BIRC2: variants seen among roughly 807,000 people sequenced by gnomAD.
BIRC2 encodes baculoviral IAP repeat containing 2.
BIRC2 carries 18 observed loss-of-function variants against 60.9 expected under a neutral mutation model. The ratio of observed to expected loss-of-function variants is 0.30; its 90% confidence interval spans 0.20 to 0.44. The LOEUF is 0.44. Among genes scored for constraint, BIRC2 ranks in the 20% least tolerant of loss-of-function variants. The pLI, the probability that BIRC2 is intolerant of heterozygous loss-of-function variation, is 1.00. For synonymous variants in BIRC2, 282 were observed against 247.7 expected (o/e 1.14, Z -1.30); for missense variants, 701 against 728.5 (o/e 0.96, Z 0.43).
intron 6 of BIRC2, among the ~76,000 whole-genome samples, chr11:102,372,710 C>A (rs1474313835): frequency 7.4e-5 from 10 of 134,716 alleles, no homozygotes; most frequent in African/African-American, 2.6e-4. Context: ...GAGTTCAATT[C>A]CTGGGTATCC....
intron 3 of BIRC2, among the ~76,000 whole-genome samples, chr11:102,359,856 T>C (rs942644824): frequency 3.3e-5 from 5 of 152,202 alleles, no homozygotes; most frequent in Non-Finnish European, 5.9e-5. Flanking sequence ...ATGAACTTCC[T>C]GTACCTGGAT....
intron 4 of BIRC2, among the ~76,000 whole-genome samples, chr11:102,363,460 G>A (rs768450762): frequency 3.9e-5 from 6 of 152,138 alleles, no homozygotes; most frequent in Non-Finnish European, 8.8e-5. Flanking sequence ...CCTGAAACTA[G>A]AGAAATACTT....
intron 3 of BIRC2, 188 bp from the exon 4 acceptor site, chr11:102,362,706 AAC>A (rs1951498867): frequency 4.1e-6 from 2 of 489,198 alleles, no homozygotes; most frequent in South Asian, 6.6e-5. Context: ...CGTGATATAT[AAC>A]ACACAGAAGG....
intron 6 of BIRC2, among the ~76,000 whole-genome samples, 171 bp from the exon 7 acceptor site, chr11:102,377,325 C>T (rs2135827374): frequency 6.6e-6 from 1 of 152,228 alleles, no homozygotes; most frequent in Middle Eastern, 3.4e-3. Context: ...ACAGAGACTT[C>T]CTCTGGAAGT....
Position 102,363,711 on chromosome 11 carries a change from C to T in BIRC2, c.1118C>T (p.Pro373Leu), listed in dbSNP as rs1416131758. Residue 373 changes from proline to leucine, a missense_variant, in exon 5 of 9, where the codon CCA becomes CTA. Pro to Leu is a moderately conservative substitution (Grantham distance 98). This residue lies in a region of BIRC2 where 235 missense variants were observed against 208.9 expected (regional missense o/e 1.12). Coordinates refer to ENST00000227758, the MANE Select transcript of BIRC2 (RefSeq NM_001166.5). ...ACCACTGGAGAAGAAAATGCTGACC[C>T]ACCAAGTATGTATGAGATAATTTTA... is the stretch of plus-strand genomic sequence containing the variant. ...SDTTGEENAD[P>L]PIIHFGPGES... is the part of the protein sequence containing the mutation. 19 of 1,609,904 alleles carry T rather than the reference C, an allele frequency of 1.2e-5. No homozygotes were observed. The highest frequency in any genetic ancestry group is 1.4e-5 in the Non-Finnish European group (17 of 1,176,950).
chr11:102,372,556 T>C (rs1951646648), intron 6 of BIRC2, among the ~76,000 whole-genome samples: 1 of 151,174 alleles, frequency 6.6e-6, no homozygotes, highest in Non-Finnish European at 1.5e-5. Flanking sequence ...TTCTGTTCTT[T>C]TACATTTGCT....
rs1012618948 is a variant in BIRC2 at position 102,372,344 on chromosome 11, G to A, written c.1366+3796G>A. 1.8e-4 allele frequency among the ~76,000 whole-genome samples: 27 copies of A among 152,208 alleles called. No homozygotes were observed. The South Asian group carries it at 2.3e-3, about 13-fold the overall frequency. On this transcript the variant is annotated intron_variant, in intron 6 of 8. Coordinates refer to ENST00000227758, the MANE Select transcript of BIRC2 (RefSeq NM_001166.5). The stretch of plus-strand genomic sequence containing the variant: ...TCCCTCTACACACTGCTTTGAATGT[G>A]TCCCAGAGATTCTGGTATGTTGTGT...
At position 102,350,558 on chromosome 11, in the gene BIRC2, A is replaced by G. The variant is rs150042748; in HGVS notation, c.704A>G (p.Asp235Gly). Residue 235 changes from aspartate (D) to glycine (G), a missense_variant, in exon 2 of 9, where the codon GAT (aspartate) becomes GGT (glycine). Asp to Gly is a moderately conservative substitution (Grantham distance 94, BLOSUM62 -1). This residue lies in a region of BIRC2 where 375 missense variants were observed against 365.9 expected (regional missense o/e 1.02). Coordinates refer to ENST00000227758, the MANE Select transcript of BIRC2 (RefSeq NM_001166.5). ...GKLSNWEPKDDAMSEHRRHFP... is the reference protein window; with the variant it reads ...GKLSNWEPKDGAMSEHRRHFP... ...CTCAGTAACTGGGAACCAAAGGATG[A>G]TGCTATGTCAGAACACCGGAGGCAT... The G allele has an allele frequency of 6.2e-7, 1 of 1,614,196 alleles. No homozygotes were observed. Among genetic ancestry groups the G allele is most frequent in the South Asian group, 1.1e-5 (1 of 91,086 alleles).
chr11:102,364,172 T>TATATATATACAC, intron 5 of BIRC2, among the ~76,000 whole-genome samples: 1 of 89,726 alleles, frequency 1.1e-5, no homozygotes, highest in East Asian at 3.6e-4. Context: ...TATATATATA[T>TATATATATACAC]ATACACACAC....
chr11:102,367,560 T>C (rs955713342), intron 5 of BIRC2, among the ~76,000 whole-genome samples: 20 of 152,230 alleles, frequency 1.3e-4, no homozygotes, highest in Admixed American at 9.8e-4. Context: ...TGAAGAATTA[T>C]GTCTTTTTGT....
chr11:102,369,499 A>G (rs1046179359), intron 6 of BIRC2, among the ~76,000 whole-genome samples: 38 of 151,076 alleles, frequency 2.5e-4, no homozygotes, highest in African/African-American at 9.2e-4. Context: ...CGAACTCATC[A>G]TTTTTTATGG....
rs35001402 is a variant in BIRC2, at chr11:102,349,209, TC to T, written c.-641del. On this transcript the variant is annotated 5_prime_UTR_variant, in exon 2 of 9. Transcript: ENST00000227758. Reference sequence around the variant, plus strand: ...TCAACAAAGCTTGTGGGTATTGACTTCCCCCAAAAGTTGTCAGCTGAAGTAA... The same window carrying T: ...TCAACAAAGCTTGTGGGTATTGACTTCCCCAAAAGTTGTCAGCTGAAGTAA... 8,120 of 152,444 alleles carry T rather than the reference TC, an allele frequency of 0.053. 240 individuals are homozygous for T. The highest frequency in any genetic ancestry group is 0.069 in the Non-Finnish European group (4,677 of 68,114). 9.4% of individuals were successfully genotyped at this position (152,444 alleles called of 1,614,324 possible). A position where few individuals can be genotyped will look rare whatever the true frequency, so the allele number is the denominator to read the frequency against.
intron 3 of BIRC2, among the ~76,000 whole-genome samples, chr11:102,358,780 T>A (rs1417404240): frequency 6.6e-6 from 1 of 152,200 alleles, no homozygotes; most frequent in Non-Finnish European, 1.5e-5. Context: ...CTGATAAAAC[T>A]TTAGCTTCCT....
At chr11:102,373,161 A>G (rs1387407122) in intron 6 of BIRC2, among the ~76,000 whole-genome samples, 4 of 151,528 alleles carry the variant, frequency 2.6e-5, no homozygotes, top group East Asian at 3.9e-4. Flanking sequence ...CATTTAGTCC[A>G]TTTACATTTA....
intron 5 of BIRC2, among the ~76,000 whole-genome samples, chr11:102,364,167 A>ATATATATATATG (rs1951521691): frequency 1.1e-5 from 1 of 94,180 alleles, no homozygotes; most frequent in African/African-American, 5.3e-5. Context: ...ATATATATAT[A>ATATATATATATG]TATATATACA....
chr11:102,347,758 A>G (rs1951308900), intron 1 of BIRC2: 1 of 152,146 alleles, frequency 6.6e-6, no homozygotes, highest in Non-Finnish European at 1.5e-5. Flanking sequence ...TGGCGGCGAT[A>G]TTTCATATTT....
Position 102,350,686 on chromosome 11 carries a change from T to C in BIRC2, c.832T>C (p.Tyr278His), listed in dbSNP as rs2135803189. The change falls in exon 2 of 9, where the codon TAC becomes CAC. Residue 278 changes from tyrosine (Y) to histidine (H), a missense_variant. Tyr to His is a moderately conservative substitution (Grantham distance 83). Around this residue, in one of 4 missense-constraint regions of BIRC2, gnomAD observed 375 missense variants for 365.9 expected, o/e 1.02. Coordinates refer to ENST00000227758, the MANE Select transcript of BIRC2 (RefSeq NM_001166.5). ...THAARMRTFM[Y>H]WPSSVPVQPE... The stretch of plus-strand genomic sequence containing the variant: ...TGCAGCTCGAATGAGAACATTTATG[T>C]ACTGGCCATCTAGTGTTCCAGTTCA... The C allele has an allele frequency of 6.2e-7, 1 of 1,613,588 alleles. No homozygotes were observed. The highest frequency in any genetic ancestry group is 1.6e-4 in the Middle Eastern group (1 of 6,062).
intron 6 of BIRC2, among the ~76,000 whole-genome samples, chr11:102,376,023 A>G (rs898728357): frequency 3.9e-5 from 6 of 152,028 alleles, no homozygotes; most frequent in Admixed American, 2.0e-4. Context: ...TTGGTGAAAG[A>G]AAGGGCCTAA....
intron 6 of BIRC2, among the ~76,000 whole-genome samples, chr11:102,369,599 A>G (rs1951600449): frequency 1.4e-5 from 2 of 144,070 alleles, no homozygotes; most frequent in South Asian, 2.2e-4. Flanking sequence ...AGTCTTTGCT[A>G]TTGTGAATAA....
Sources: gnomAD v4.1 joint callset for allele counts (sites outside exome capture counted in the v4.1 genomes callset) on GRCh38, gnomAD v4.1.1 for gene constraint, gnomAD v4.1.1 regional missense constraint, MANE v1.5 for transcripts, NCBI Gene and HGNC (gene_info 2026-07-23, HGNC 2026-07-21) for gene names.